Variants in EVC2 observed in about 807,000 individuals in gnomAD.
EVC2 encodes the protein limbin.
Under a neutral mutation model 149.3 loss-of-function variants are expected in EVC2, and 148 were observed. That is an observed-to-expected ratio of 0.99 (90% CI 0.87 to 1.14). The LOEUF is 1.14. EVC2 is among the 50% of genes most tolerant of loss of function. The pLI is 0.00. For missense variants in EVC2, 1,854 were observed against 1,627.3 expected, an observed-to-expected ratio of 1.14 and a Z score of -2.40; for synonymous variants, 776 against 649.9, an observed-to-expected ratio of 1.19 and a Z score of -2.95.
chr4:5,690,860 A>G (rs1410299189), intron 4 of EVC2, among the ~76,000 whole-genome samples: 3 of 152,218 alleles, frequency 2.0e-5, no homozygotes, highest in African/African-American at 2.4e-5. Flanking sequence ...ACTGACCCTA[A>G]GGCAGGTGCT....
At chr4:5,585,610 T>C (rs1712207484) in intron 16 of EVC2, among the ~76,000 whole-genome samples, 1 of 152,180 alleles carries the variant, frequency 6.6e-6, no homozygotes, top group Non-Finnish European at 1.5e-5. Flanking sequence ...AATTGAGGTA[T>C]AACTTCTTTA....
intron 11 of EVC2, among the ~76,000 whole-genome samples, chr4:5,630,381 C>T (rs755631194): frequency 2.6e-5 from 4 of 152,248 alleles, no homozygotes; most frequent in Admixed American, 2.0e-4. Context: ...GCCGCCTGTG[C>T]CCGCACCTCC....
chr4:5,536,732 A>C, the EVC2 span, among the ~76,000 whole-genome samples: 19 of 151,828 alleles, frequency 1.3e-4, no homozygotes, highest in Non-Finnish European at 2.5e-4. Flanking sequence ...TGCAATGAGC[A>C]GAGATCACGC....
At chr4:5,651,982 C>A (rs115171236) in intron 9 of EVC2, among the ~76,000 whole-genome samples, 1,813 of 152,340 alleles carry the variant, frequency 0.012, 28 homozygotes, top group African/African-American at 0.041. Context: ...GGCTAAACAG[C>A]CTTAGGCATC....
At chr4:5,703,108 T>G (rs901842216) in intron 1 of EVC2, among the ~76,000 whole-genome samples, 1 of 152,228 alleles carries the variant, frequency 6.6e-6, no homozygotes, top group African/African-American at 2.4e-5. Flanking sequence ...GCATACTGTA[T>G]AGCAAAACCA....
At chr4:5,671,406 T>TG (rs1719640990) in intron 7 of EVC2, among the ~76,000 whole-genome samples, 1 of 152,246 alleles carries the variant, frequency 6.6e-6, no homozygotes, top group Admixed American at 6.5e-5. Flanking sequence ...GGCAGGATTT[T>TG]GGAACTCCTG....
intron 6 of EVC2, among the ~76,000 whole-genome samples, chr4:5,684,847 A>G (rs967684343): frequency 2.0e-5 from 3 of 152,092 alleles, no homozygotes; most frequent in Non-Finnish European, 4.4e-5. Context: ...CTTATAGAAG[A>G]GGCTAGGACA....
At chr4:5,673,445 C>T (rs567586855) in intron 7 of EVC2, among the ~76,000 whole-genome samples, 6 of 152,124 alleles carry the variant, frequency 3.9e-5, no homozygotes, top group Non-Finnish European at 8.8e-5. Context: ...TCTGAGATTC[C>T]CTTAAACATG....
At chr4:5,638,151 G>A (rs1220775803) in intron 10 of EVC2, among the ~76,000 whole-genome samples, 3 of 152,106 alleles carry the variant, frequency 2.0e-5, no homozygotes, top group African/African-American at 7.2e-5. Context: ...CACTTTGGGA[G>A]GCCAAGGTGG....
At chr4:5,702,592 T>C (rs540044569) in intron 1 of EVC2, among the ~76,000 whole-genome samples, 1 of 152,348 alleles carries the variant, frequency 6.6e-6, no homozygotes, top group Non-Finnish European at 1.5e-5. Context: ...ACTAGCCAGA[T>C]GGGGCCATTT....
At chr4:5,580,658 A>G (rs1174093395) in intron 17 of EVC2, among the ~76,000 whole-genome samples, 1 of 152,224 alleles carries the variant, frequency 6.6e-6, no homozygotes, top group Non-Finnish European at 1.5e-5. Flanking sequence ...CTATTAGGGC[A>G]GTGATCCGCC....
At chr4:5,563,739 T>A (rs1354393936) in intron 21 of EVC2, among the ~76,000 whole-genome samples, 1 of 152,088 alleles carries the variant, frequency 6.6e-6, no homozygotes, top group Non-Finnish European at 1.5e-5. Flanking sequence ...TGGCAAATGC[T>A]ACAAATCAGA....
rs372550781 is a variant in EVC2 at position 5,692,724 on chromosome 4, G to A, written c.451-1391C>T. On this transcript the variant is annotated intron_variant, in intron 3 of 21. Transcript: ENST00000344408. ...CTACTAAAAATACAAAAAATTAGCC[G>A]GGCGCGGTGGCGGGCGCCTGTAGTC... is the stretch of plus-strand genomic sequence containing the variant. 7.0e-3 allele frequency among the ~76,000 whole-genome samples: 1,048 copies of A among 150,636 alleles called. 17 individuals carry two copies. The highest frequency in any genetic ancestry group is 0.024 in the African/African-American group (992 of 41,002).
intron 12 of EVC2, among the ~76,000 whole-genome samples, 154 bp downstream of exon 12, chr4:5,628,405 A>G (rs1361980244): frequency 1.3e-5 from 2 of 152,210 alleles, no homozygotes; most frequent in East Asian, 3.9e-4. Context: ...ATGAAGTAAG[A>G]AGGCCCTCAC....
chr4:5,662,541 ATAT>A (rs1718958851), intron 9 of EVC2, among the ~76,000 whole-genome samples: 1 of 143,556 alleles, frequency 7.0e-6, no homozygotes, highest in African/African-American at 2.6e-5. Flanking sequence ...ATTAAATATA[ATAT>A]TAATATTAAA....
chr4:5,594,423 G>A lies in EVC2; in HGVS notation c.2830-9573C>T, dbSNP rs182222283. On this transcript the variant is annotated intron_variant, in intron 16 of 21. Transcript: ENST00000344408. ...CAGCATTCGCGGTTCATGAAAATCCGCTGTTCTGCAGCCACCGCTGCTGGT... is the reference window on the plus strand; with the variant it reads ...CAGCATTCGCGGTTCATGAAAATCCACTGTTCTGCAGCCACCGCTGCTGGT... Among the ~76,000 whole-genome samples the A allele has an allele frequency of 9.7e-3, 1,478 of 152,258 alleles. 10 individuals carry two copies. The highest frequency in any genetic ancestry group is 0.027 in the Middle Eastern group (8 of 294).
rs938629868 is a variant in EVC2, at chr4:5,695,576, C to T, written c.284-1075G>A. 3.3e-5 allele frequency among the ~76,000 whole-genome samples: 5 copies of T among 152,184 alleles called. No individual in the cohort carries two copies. The East Asian group carries it at 7.7e-4, about 24-fold the overall frequency. Reference sequence around the variant, plus strand: ...GTTCTCTGGGCCTCAGTTCCCCTCACCTGGGTGTGTGGTTAAGATACCAAT... The same window carrying T: ...GTTCTCTGGGCCTCAGTTCCCCTCATCTGGGTGTGTGGTTAAGATACCAAT... On this transcript the variant is annotated intron_variant, in intron 2 of 21. Coordinates refer to ENST00000344408, the MANE Select transcript of EVC2 (RefSeq NM_147127.5).
chr4:5,669,797 G>C (rs962414155), intron 7 of EVC2, among the ~76,000 whole-genome samples: 6 of 152,174 alleles, frequency 3.9e-5, no homozygotes, highest in Non-Finnish European at 7.3e-5. Flanking sequence ...AGGTACTGTG[G>C]GCAGTTTAGT....
intron 19 of EVC2, among the ~76,000 whole-genome samples, chr4:5,568,923 G>A (rs562723279): frequency 3.9e-5 from 6 of 152,322 alleles, no homozygotes; most frequent in African/African-American, 1.2e-4. Context: ...CCCTGCAGCA[G>A]GGTGATTCAA....
Sources: gnomAD v4.1 joint callset for allele counts (sites outside exome capture counted in the v4.1 genomes callset) on GRCh38, gnomAD v4.1.1 for gene constraint, MANE v1.5 for transcripts, NCBI Gene and HGNC (gene_info 2026-07-23, HGNC 2026-07-21) for gene names.